The following KLF11 variants were observed in gnomAD, a reference collection of about 807,000 sequenced individuals.
KLF11 encodes KLF transcription factor 11, also known as Krueppel-like factor 11.
In KLF11, 26 loss-of-function variants were observed where a neutral mutation model predicts 29.9. The ratio of observed to expected loss-of-function variants is 0.87; its 90% CI spans 0.64 to 1.21. KLF11 has a LOEUF of 1.21. Among genes scored for constraint, KLF11 ranks in the 50% most tolerant of loss-of-function variants. KLF11 has a pLI of 0.00. For synonymous variants in KLF11, 318 were observed against 257.4 expected, an observed-to-expected ratio of 1.24 and a Z score of -2.25; for missense variants, 778 against 665.7, an observed-to-expected ratio of 1.17 and a Z score of -1.86.
At chr2:10,046,934 C>G (rs1049656236) in intron 2 of KLF11, among the ~76,000 whole-genome samples, 1 of 152,152 alleles carries the variant, frequency 6.6e-6, no homozygotes, top group Non-Finnish European at 1.5e-5. Flanking sequence ...ATGGATCATA[C>G]CTTGCTAGCT....
chr2:10,052,041 C>T (rs1487436949), intron 3 of KLF11, among the ~76,000 whole-genome samples, 186 bp from the exon 4 acceptor site: 1 of 152,122 alleles, frequency 6.6e-6, no homozygotes, highest in African/African-American at 2.4e-5. Flanking sequence ...ATAGCTGCAT[C>T]TTAAGTGTGG....
At position 10,048,485 on chromosome 2, in the gene KLF11, T is replaced by TC; in HGVS notation, c.1151dup (p.Gln385SerfsTer28). The TC allele has an allele frequency of 6.2e-7, 1 of 1,614,008 alleles. No individual in the cohort carries two copies. Among genetic ancestry groups the TC allele is most frequent in the East Asian group, 2.2e-5 (1 of 44,886 alleles). On this transcript the variant is annotated frameshift_variant, in exon 3 of 4. Transcript: ENST00000305883. LOFTEE classifies it high-confidence loss of function. ...TTCATCACCTCTAGCCAAAACTGTGTCCCTCAGGTAGACTTTTCCCGAAGG... is the reference window on the plus strand; with the variant it reads ...TTCATCACCTCTAGCCAAAACTGTGTCCCCTCAGGTAGACTTTTCCCGAAGG...
At chr2:10,044,341 C>G (rs999757605) in intron 1 of KLF11, 2 of 985,674 alleles carry the variant, frequency 2.0e-6, no homozygotes, top group Admixed American at 6.1e-5. Context: ...GTTGGGGGCC[C>G]TAAGCGTCGC....
chr2:10,051,399 G>A (rs1661400914), intron 3 of KLF11, among the ~76,000 whole-genome samples: 1 of 152,132 alleles, frequency 6.6e-6, no homozygotes, highest in African/African-American at 2.4e-5. Context: ...AGTAGAGACA[G>A]TTTCGCCATG....
Position 10,048,306 on chromosome 2 carries a change from A to G in KLF11, c.969A>G (p.Pro323=). ...TVRPILAQAA[P]APQPVFVGPA... Reference sequence around the variant, plus strand: ...GACCCATCCTAGCTCAGGCTGCTCCAGCGCCTCAACCTGTGTTCGTGGGAC... The same window carrying G: ...GACCCATCCTAGCTCAGGCTGCTCCGGCGCCTCAACCTGTGTTCGTGGGAC... The change falls in exon 3 of 4, where the codon CCA becomes CCG. Residue 323 remains proline (P), a synonymous_variant. Transcript: ENST00000305883. 1 of 1,600,102 alleles carries G rather than the reference A, an allele frequency of 6.2e-7. No homozygotes were observed. The highest frequency in any genetic ancestry group is 8.5e-7 in the Non-Finnish European group (1 of 1,171,556).
At chr2:10,051,163 C>T (rs952656324) in intron 3 of KLF11, among the ~76,000 whole-genome samples, 3 of 151,762 alleles carry the variant, frequency 2.0e-5, no homozygotes, top group African/African-American at 7.3e-5. Flanking sequence ...CTGTCTCAGC[C>T]TCCCAAAGTG....
chr2:10,046,343 G>A lies in KLF11; in HGVS notation c.236G>A (p.Gly79Glu), dbSNP rs999938887. Residue 79 changes from glycine (G) to glutamate (E), a missense_variant, in exon 2 of 4, where the codon GGG becomes GAG. Physicochemically the swap from Gly to Glu is moderately conservative, Grantham distance 98. Coordinates refer to ENST00000305883, the MANE Select transcript of KLF11 (RefSeq NM_003597.5). Reference sequence around the variant, plus strand: ...CCCCTCACGCCTGTCTCTGACTCTGGGGATGTCACCACCACTGTGCATATG... The same window carrying A: ...CCCCTCACGCCTGTCTCTGACTCTGAGGATGTCACCACCACTGTGCATATG... Reference protein sequence around the residue: ...IRPLTPVSDSGDVTTTVHMDA... With the variant: ...IRPLTPVSDSEDVTTTVHMDA... 6.2e-7 allele frequency: 1 copy of A among 1,614,050 alleles called. No homozygotes were observed. Among genetic ancestry groups the A allele is most frequent in the African/African-American group, 1.3e-5 (1 of 74,898 alleles).
chr2:10,047,500 C>G (rs77250521), intron 2 of KLF11, 150 bp from the exon 3 acceptor site: 1 of 723,326 alleles, frequency 1.4e-6, no homozygotes, highest in Non-Finnish European at 2.4e-6. Context: ...AGCAGAGTGC[C>G]TCATGCAGCC....
At position 10,048,298 on chromosome 2, in the gene KLF11, G is replaced by C. The variant is rs776725808; in HGVS notation, c.961G>C (p.Ala321Pro). ...VGTVRPILAQ[A>P]APAPQPVFVG... Reference sequence around the variant, plus strand: ...GACTGTGAGACCCATCCTAGCTCAGGCTGCTCCAGCGCCTCAACCTGTGTT... The same window carrying C: ...GACTGTGAGACCCATCCTAGCTCAGCCTGCTCCAGCGCCTCAACCTGTGTT... The change falls in exon 3 of 4, where the codon GCT (alanine) becomes CCT (proline). Residue 321 changes from alanine (A) to proline (P), a missense_variant. Physicochemically the swap from Ala to Pro is conservative, Grantham distance 27. Transcript: ENST00000305883. 3.5e-5 allele frequency: 56 copies of C among 1,600,204 alleles called. No homozygotes were observed. Among genetic ancestry groups the C allele is most frequent in the South Asian group, 7.9e-5 (7 of 89,050 alleles).
chr2:10,047,983 G>A lies in KLF11; in HGVS notation c.646G>A (p.Asp216Asn). 3 of 1,614,064 alleles carry A rather than the reference G, an allele frequency of 1.9e-6. No homozygotes were observed. The highest frequency in any genetic ancestry group is 1.3e-5 in the African/African-American group (1 of 75,036). ...TCTGGGACACTTTGAAACTTTGCAG[G>A]ACACACACCTCACGGACAGTTTACT... ...QLLGHFETLQ[D>N]THLTDSLLST... The change falls in exon 3 of 4, where the codon GAC becomes AAC. Residue 216 changes from aspartate (D) to asparagine (N), a missense_variant. Coordinates refer to ENST00000305883, the MANE Select transcript of KLF11 (RefSeq NM_003597.5).
intron 1 of KLF11, 84 bp from the exon 2 acceptor site, chr2:10,046,066 C>CT: frequency 6.6e-7 from 1 of 1,506,702 alleles, no homozygotes; most frequent in Admixed American, 1.7e-5. Context: ...CTGTAGGCTT[C>CT]TGATATGCAT....
rs1228635241 is a variant in KLF11, at chr2:10,054,727, CTT to C, written c.*2221_*2222del. On this transcript the variant is annotated 3_prime_UTR_variant, in exon 4 of 4. Transcript: ENST00000305883. Reference sequence around the variant, plus strand: ...CTTTTAAGTAGTTTGAATGATAAGACTTAAAATGTTTCATAATTATGTTTTAT... The same window carrying C: ...CTTTTAAGTAGTTTGAATGATAAGACAAAATGTTTCATAATTATGTTTTAT... 1 of 152,648 alleles carries C rather than the reference CTT, an allele frequency of 6.6e-6. No homozygotes were observed. The highest frequency in any genetic ancestry group is 1.5e-5 in the Non-Finnish European group (1 of 68,044). The allele number at this position is 152,648 out of a possible 1,614,324, so 9.5% of individuals were successfully genotyped here.
intron 2 of KLF11, 79 bp downstream of exon 2, chr2:10,046,498 G>GC: frequency 2.0e-6 from 3 of 1,505,250 alleles, no homozygotes; most frequent in Middle Eastern, 3.4e-4. Flanking sequence ...GAACTTGTGA[G>GC]AAGATTCCCT....
Position 10,046,224 on chromosome 2 carries a change from C to G in KLF11, c.117C>G (p.Ile39Met), listed in dbSNP as rs1288845662. The part of the protein sequence containing the change: ...RHDSERSTCS[I>M]LEQTDMEAVE... ...ACAGCGAAAGGTCTACTTGCAGCAT[C>G]TTGGAGCAGACAGACATGGAAGCTG... Residue 39 changes from isoleucine (I) to methionine (M), a missense_variant, in exon 2 of 4, where the codon ATC (isoleucine) becomes ATG (methionine). Ile to Met is a conservative substitution (Grantham distance 10). Coordinates refer to ENST00000305883, the MANE Select transcript of KLF11 (RefSeq NM_003597.5). 8 of 1,614,182 alleles carry G rather than the reference C, an allele frequency of 5.0e-6. No individual in the cohort carries two copies. The highest frequency in any genetic ancestry group is 1.3e-5 in the African/African-American group (1 of 75,042).
At chr2:10,044,078 G>C in intron 1 of KLF11, 1 of 717,830 alleles carries the variant, frequency 1.4e-6, no homozygotes, top group Non-Finnish European at 1.7e-6. Flanking sequence ...CCGGACGGCC[G>C]TTGGGCGGGG....
At chr2:10,044,019 G>A in intron 1 of KLF11, 2 of 714,120 alleles carry the variant, frequency 2.8e-6, no homozygotes, top group Non-Finnish European at 3.5e-6. Flanking sequence ...GCCCCGCCCC[G>A]CTGGCCCCGC....
At position 10,053,281 on chromosome 2, in the gene KLF11, C is replaced by T. The variant is rs545883177; in HGVS notation, c.*774C>T. 2 of 398,632 alleles carry T rather than the reference C, an allele frequency of 5.0e-6. No individual in the cohort carries two copies. Among genetic ancestry groups the T allele is most frequent in the Non-Finnish European group, 8.8e-6 (2 of 226,080 alleles). 24.7% of individuals were successfully genotyped at this position (398,632 alleles called of 1,614,324 possible). On this transcript the variant is annotated 3_prime_UTR_variant, in exon 4 of 4. Coordinates refer to ENST00000305883, the MANE Select transcript of KLF11 (RefSeq NM_003597.5). ...GGCAGATCCCAGGGACCAGTACTTG[C>T]TGCAGGATCTAGTCTGTAATAGTCT...
chr2:10,047,877 G>T lies in KLF11; in HGVS notation c.540G>T (p.Gly180=). The change falls in exon 3 of 4, where the codon GGG becomes GGT. Residue 180 remains glycine (G), a synonymous_variant. Coordinates refer to ENST00000305883, the MANE Select transcript of KLF11 (RefSeq NM_003597.5). ...GGACTAGCGTGATCCGACACACTGG[G>T]GAGAGCCCTGCTGCCTGCTTTCCCA... The part of the protein sequence containing the change: ...AKGTSVIRHT[G]ESPAACFPTI... 1 of 1,613,804 alleles carries T rather than the reference G, an allele frequency of 6.2e-7. No homozygotes were observed. Among genetic ancestry groups the T allele is most frequent in the South Asian group, 1.1e-5 (1 of 91,086 alleles).
Position 10,047,743 on chromosome 2 carries a change from A to G in KLF11, c.406A>G (p.Thr136Ala). 2 of 1,613,694 alleles carry G rather than the reference A, an allele frequency of 1.2e-6. No homozygotes were observed. Among genetic ancestry groups the G allele is most frequent in the South Asian group, 2.2e-5 (2 of 91,078 alleles). Residue 136 changes from threonine to alanine, a missense_variant, in exon 3 of 4, where the codon ACG (threonine) becomes GCG (alanine). Coordinates refer to ENST00000305883, the MANE Select transcript of KLF11 (RefSeq NM_003597.5). ...AACAGATTCCAAAGCATGTACAGCC[A>G]CGGATGTTCTCCAGTCCTCTGCCGT... ...QVTDSKACTA[T>A]DVLQSSAVVA...
Sources: gnomAD v4.1 joint callset for allele counts (sites outside exome capture counted in the v4.1 genomes callset) on GRCh38, gnomAD v4.1.1 for gene constraint, MANE v1.5 for transcripts, NCBI Gene and HGNC (gene_info 2026-07-23, HGNC 2026-07-21) for gene names.